PRKD1: variants seen among roughly 807,000 people sequenced by gnomAD.
The protein encoded by PRKD1 is protein kinase D1.
Under a neutral mutation model 95.9 loss-of-function variants are expected in PRKD1, and 63 were observed. The ratio of observed to expected loss-of-function variants is 0.66; its 90% confidence interval spans 0.54 to 0.81. PRKD1 has a LOEUF of 0.81. Among genes scored for constraint, PRKD1 ranks in the 30% least tolerant of loss-of-function variants. The pLI is 0.00. For missense variants in PRKD1, 1,048 were observed against 1,165.3 expected (o/e 0.90, Z 1.47); for synonymous variants, 425 against 423.1 (o/e 1.00, Z -0.05).
chr14:29,684,604 C>G (rs1454444012), intron 2 of PRKD1, among the ~76,000 whole-genome samples: 2 of 152,132 alleles, frequency 1.3e-5, no homozygotes, highest in Non-Finnish European at 2.9e-5. Flanking sequence ...TAAATGAAAT[C>G]AAAATTGCAC....
intron 1 of PRKD1, among the ~76,000 whole-genome samples, chr14:29,763,789 T>C (rs1242711231): frequency 2.6e-5 from 4 of 152,048 alleles, no homozygotes; most frequent in Non-Finnish European, 4.4e-5. Flanking sequence ...TTCTGCTCTC[T>C]CCTCCCTCTT....
intron 1 of PRKD1, among the ~76,000 whole-genome samples, chr14:29,844,754 C>T (rs890056366): frequency 2.0e-5 from 3 of 152,068 alleles, no homozygotes; most frequent in Admixed American, 6.6e-5. Context: ...ATTGAAAATT[C>T]GAAGTCTGAA....
At chr14:29,901,100 A>G (rs908585712) in intron 1 of PRKD1, among the ~76,000 whole-genome samples, 3 of 152,228 alleles carry the variant, frequency 2.0e-5, no homozygotes, top group African/African-American at 7.2e-5. Context: ...GTGCCCTTCA[A>G]CAGTGAACTG....
intron 1 of PRKD1, among the ~76,000 whole-genome samples, chr14:29,752,373 C>A (rs1408401559): frequency 6.6e-6 from 1 of 151,836 alleles, no homozygotes; most frequent in Non-Finnish European, 1.5e-5. Flanking sequence ...ATTATTTTTT[C>A]CCTGACAGAA....
intron 2 of PRKD1, among the ~76,000 whole-genome samples, chr14:29,699,205 T>C (rs921620065): frequency 6.6e-6 from 1 of 152,236 alleles, no homozygotes; most frequent in Non-Finnish European, 1.5e-5. Context: ...TCAATGACTT[T>C]TTGTTTTACA....
intron 4 of PRKD1, among the ~76,000 whole-genome samples, chr14:29,645,519 C>T (rs1032016914): frequency 1.3e-5 from 2 of 152,106 alleles, no homozygotes; most frequent in African/African-American, 2.4e-5. Context: ...GCATTTTGGA[C>T]TATCATTCAA....
intron 1 of PRKD1, among the ~76,000 whole-genome samples, chr14:29,831,287 T>C (rs1891401633): frequency 6.6e-6 from 1 of 152,134 alleles, no homozygotes; most frequent in African/African-American, 2.4e-5. Flanking sequence ...GCTTATAAGA[T>C]TTTCAAGTTT....
intron 1 of PRKD1, among the ~76,000 whole-genome samples, chr14:29,911,275 T>C (rs1185477647): frequency 2.0e-5 from 3 of 152,194 alleles, no homozygotes; most frequent in Non-Finnish European, 4.4e-5. Flanking sequence ...ATTTAATAAT[T>C]AAGTTTGTAA....
chr14:29,840,168 T>A (rs1223978885), intron 1 of PRKD1, among the ~76,000 whole-genome samples: 5 of 152,160 alleles, frequency 3.3e-5, no homozygotes, highest in African/African-American at 7.2e-5. Flanking sequence ...AGCATCAAAG[T>A]CACCTCTTCA....
chr14:29,861,181 T>C (rs1193577174), intron 1 of PRKD1, among the ~76,000 whole-genome samples: 2 of 152,116 alleles, frequency 1.3e-5, no homozygotes, highest in Non-Finnish European at 2.9e-5. Context: ...ATATAACTTA[T>C]AGCAAATGAC....
intron 1 of PRKD1, among the ~76,000 whole-genome samples, chr14:29,866,186 CAA>C (rs757147561): frequency 1.5e-5 from 2 of 136,448 alleles, no homozygotes; most frequent in African/African-American, 2.7e-5. Context: ...TATTTCAGAC[CAA>C]AAAAAAAAAA....
intron 13 of PRKD1, among the ~76,000 whole-genome samples, chr14:29,600,866 C>T (rs78691352): frequency 1.6e-4 from 8 of 50,430 alleles, no homozygotes; most frequent in Non-Finnish European, 3.1e-4. Flanking sequence ...CAACAAATGC[C>T]TTTGATCATT....
intron 2 of PRKD1, among the ~76,000 whole-genome samples, chr14:29,682,601 A>G (rs765126056): frequency 5.3e-5 from 8 of 152,190 alleles, no homozygotes; most frequent in Non-Finnish European, 1.0e-4. Flanking sequence ...TTTGAACAGC[A>G]GTTACAGGAA....
In PRKD1 at chr14:29,725,693, T is replaced by C. The variant is rs11626603; in HGVS notation, c.265-19A>G. 0.21 allele frequency: 330,586 copies of C among 1,607,870 alleles called. 35,178 individuals are homozygous for C. The highest frequency in any genetic ancestry group is 0.27 in the South Asian group (24,391 of 90,216). On this transcript the variant is annotated intron_variant, in intron 1 of 17. Transcript: ENST00000331968. Reference sequence around the variant, plus strand: ...CAGGGAACTGCAAATACAAATACCATGAGAGTGTAAATGTCAAAATCCTTC... The same window carrying C: ...CAGGGAACTGCAAATACAAATACCACGAGAGTGTAAATGTCAAAATCCTTC...
chr14:29,896,769 T>C (rs1385851579), intron 1 of PRKD1, among the ~76,000 whole-genome samples: 1 of 150,772 alleles, frequency 6.6e-6, no homozygotes, highest in Non-Finnish European at 1.5e-5. Flanking sequence ...CCTTGCCTTC[T>C]GTCACCATAA....
At chr14:29,579,133 A>G (rs1252129867) in intron 16 of PRKD1, among the ~76,000 whole-genome samples, 1 of 151,850 alleles carries the variant, frequency 6.6e-6, no homozygotes, top group African/African-American at 2.4e-5. Context: ...AGTAATACTC[A>G]TCGTTATCTA....
At chr14:29,859,477 G>T (rs927700720) in intron 1 of PRKD1, among the ~76,000 whole-genome samples, 1 of 151,746 alleles carries the variant, frequency 6.6e-6, no homozygotes, top group Admixed American at 6.6e-5. Flanking sequence ...GCATAGTGGC[G>T]GGCGCCTGTG....
At chr14:29,762,616 T>C (rs1035588588) in intron 1 of PRKD1, among the ~76,000 whole-genome samples, 3 of 152,366 alleles carry the variant, frequency 2.0e-5, no homozygotes, top group African/African-American at 2.4e-5. Flanking sequence ...ATGAATTTCA[T>C]GGTCATATTT....
chr14:29,598,692 GC>G (rs761818734), intron 15 of PRKD1, among the ~76,000 whole-genome samples: 9 of 152,306 alleles, frequency 5.9e-5, no homozygotes, highest in Non-Finnish European at 1.2e-4. Context: ...AAAAAGTTTT[GC>G]CCTTGTCCTT....
Sources: gnomAD v4.1 joint callset for allele counts (sites outside exome capture counted in the v4.1 genomes callset) on GRCh38, gnomAD v4.1.1 for gene constraint, MANE v1.5 for transcripts, NCBI Gene and HGNC (gene_info 2026-07-23, HGNC 2026-07-21) for gene names.